The following TLL1 variants were observed in gnomAD, a reference collection of about 807,000 sequenced individuals.
The protein encoded by TLL1 is tolloid like 1.
TLL1 carries 49 observed loss-of-function variants against 128.2 expected under a neutral mutation model. That is an observed-to-expected ratio of 0.38 (90% CI 0.30 to 0.48). The LOEUF is 0.48. TLL1 is among the 20% of genes least tolerant of loss of function. The pLI is 0.96. For missense variants in TLL1, 1,123 were observed against 1,242.0 expected (o/e 0.90, Z 1.44); for synonymous variants, 454 against 418.8 (o/e 1.08, Z -1.03).
At chr4:165,878,316 T>C (rs1391573579) in intron 1 of TLL1, among the ~76,000 whole-genome samples, 1 of 152,234 alleles carries the variant, frequency 6.6e-6, no homozygotes, top group Non-Finnish European at 1.5e-5. Context: ...ATAGAGCTGC[T>C]TCTCCTAATC....
At chr4:166,084,298 G>A (rs1385333201) in intron 18 of TLL1, among the ~76,000 whole-genome samples, 1 of 152,030 alleles carries the variant, frequency 6.6e-6, no homozygotes, top group Admixed American at 6.6e-5. Flanking sequence ...GGTATCAGAT[G>A]TATGGTTCAT....
chr4:166,021,215 C>T (rs1364979013), intron 8 of TLL1, among the ~76,000 whole-genome samples: 1 of 147,364 alleles, frequency 6.8e-6, no homozygotes, highest in Non-Finnish European at 1.5e-5. Flanking sequence ...AACTATATTG[C>T]CAAGATGCAA....
rs531976986 is a variant in TLL1, at chr4:165,959,598, A to G, written c.170-29783A>G. Among the ~76,000 whole-genome samples, 10 of 152,246 alleles carry G rather than the reference A, an allele frequency of 6.6e-5. No individual in the cohort carries two copies. In the South Asian group the frequency reaches 2.1e-3, roughly 32 times the overall value. Reference sequence around the variant, plus strand: ...GATCAACCACATGCTTGGCCATAAAACAAGTCTCAATAAATTTGAAAAAGT... The same window carrying G: ...GATCAACCACATGCTTGGCCATAAAGCAAGTCTCAATAAATTTGAAAAAGT... On this transcript the variant is annotated intron_variant, in intron 1 of 20. Coordinates refer to ENST00000061240, the MANE Select transcript of TLL1 (RefSeq NM_012464.5).
intron 6 of TLL1, among the ~76,000 whole-genome samples, chr4:166,005,847 AAGG>A (rs1384482009): frequency 1.3e-5 from 2 of 151,920 alleles, no homozygotes; most frequent in Non-Finnish European, 2.9e-5. Flanking sequence ...TACCTGAAAC[AAGG>A]AGAAGTGTAT....
At chr4:166,039,787 T>C (rs80236009) in intron 10 of TLL1, among the ~76,000 whole-genome samples, 6,911 of 152,286 alleles carry the variant, frequency 0.045, 202 homozygotes, top group African/African-American at 0.064. Context: ...AAAAAACTAA[T>C]TGTGGGTGTT....
chr4:165,949,555 C>T (rs963453115), intron 1 of TLL1, among the ~76,000 whole-genome samples: 4 of 152,200 alleles, frequency 2.6e-5, no homozygotes, highest in East Asian at 3.9e-4. Context: ...AAGACATACC[C>T]GAGACTGAGC....
rs1400437010 is a variant in TLL1 at position 166,083,360 on chromosome 4, A to G, written c.2442+5330A>G. Among the ~76,000 whole-genome samples the G allele has an allele frequency of 2.4e-5, 3 of 123,902 alleles. 1 individual carries two copies. The highest frequency in any genetic ancestry group is 5.3e-4 in the East Asian group (2 of 3,804). The allele number at this position is 123,902 out of a possible 152,430, so 81.3% of individuals were successfully genotyped here. A position where few individuals can be genotyped will look rare whatever the true frequency, so the allele number is the denominator to read the frequency against. ...ATGACTAAATTTAGCTAATTAATAT[A>G]TGTATTATTCATGTTTTGATCATAT... On this transcript the variant is annotated intron_variant, in intron 18 of 20. Coordinates refer to ENST00000061240, the MANE Select transcript of TLL1 (RefSeq NM_012464.5).
intron 1 of TLL1, among the ~76,000 whole-genome samples, chr4:165,982,348 A>AG (rs1343336639): frequency 6.6e-6 from 1 of 152,006 alleles, no homozygotes; most frequent in Admixed American, 6.6e-5. Context: ...TGCTTGTTTT[A>AG]GAGTGAGTAA....
chr4:165,888,763 C>T (rs1213625254), intron 1 of TLL1, among the ~76,000 whole-genome samples: 1 of 152,122 alleles, frequency 6.6e-6, no homozygotes, highest in Non-Finnish European at 1.5e-5. Flanking sequence ...TGTGCAAGTA[C>T]CTGGGGTGGT....
intron 19 of TLL1, among the ~76,000 whole-genome samples, chr4:166,092,302 A>C (rs1208150652): frequency 6.6e-6 from 1 of 152,062 alleles, no homozygotes; most frequent in Admixed American, 6.6e-5. Context: ...TTTTCATTCT[A>C]GTATATTTTA....
intron 18 of TLL1, 73 bp from the exon 19 acceptor site, chr4:166,091,055 T>C: frequency 1.5e-6 from 2 of 1,307,524 alleles, no homozygotes; most frequent in Non-Finnish European, 2.1e-6. Flanking sequence ...GATATGTATT[T>C]CTGTCCCAAA....
chr4:165,882,257 A>G (rs1317274880), intron 1 of TLL1, among the ~76,000 whole-genome samples: 1 of 152,214 alleles, frequency 6.6e-6, no homozygotes, highest in African/African-American at 2.4e-5. Flanking sequence ...ACCATATGTA[A>G]TATTTACTAT....
intron 1 of TLL1, among the ~76,000 whole-genome samples, chr4:165,958,827 G>T (rs1197264240): frequency 6.8e-6 from 1 of 147,212 alleles, no homozygotes; most frequent in African/African-American, 2.5e-5. Flanking sequence ...TTTTCTTCTA[G>T]GGTTTTTATG....
At chr4:165,924,338 C>T (rs1180260855) in intron 1 of TLL1, among the ~76,000 whole-genome samples, 1 of 152,184 alleles carries the variant, frequency 6.6e-6, no homozygotes, top group African/African-American at 2.4e-5. Flanking sequence ...AAAAGTGCTA[C>T]TCTGGTGAAC....
intron 1 of TLL1, among the ~76,000 whole-genome samples, chr4:165,945,269 A>G (rs1187692906): frequency 6.6e-6 from 1 of 152,082 alleles, no homozygotes; most frequent in Non-Finnish European, 1.5e-5. Flanking sequence ...TAAGTAGGAG[A>G]GGAGGATCTA....
At chr4:166,035,113 C>T (rs932781754) in intron 9 of TLL1, among the ~76,000 whole-genome samples, 3 of 152,136 alleles carry the variant, frequency 2.0e-5, no homozygotes, top group African/African-American at 7.2e-5. Flanking sequence ...GGGACATACA[C>T]ACTCAAACCA....
chr4:165,957,734 T>G lies in TLL1; in HGVS notation c.170-31647T>G, dbSNP rs144471787. Among the ~76,000 whole-genome samples the G allele has an allele frequency of 2.2e-3, 340 of 151,470 alleles. 6 individuals carry two copies. The East Asian group carries it at 0.043, about 19-fold the overall frequency. Reference sequence around the variant, plus strand: ...TTTTTTTTAAATTATTATTATACTTTAAGTTTTAGGGTACATGTGCACAAT... The same window carrying G: ...TTTTTTTTAAATTATTATTATACTTGAAGTTTTAGGGTACATGTGCACAAT... On this transcript the variant is annotated intron_variant, in intron 1 of 20. Coordinates refer to ENST00000061240, the MANE Select transcript of TLL1 (RefSeq NM_012464.5).
At chr4:165,976,730 G>A (rs934083808) in intron 1 of TLL1, among the ~76,000 whole-genome samples, 3 of 152,162 alleles carry the variant, frequency 2.0e-5, no homozygotes. Flanking sequence ...ATATGACAGA[G>A]ACAGTATTTA....
chr4:165,977,534 A>G (rs1189101924), intron 1 of TLL1, among the ~76,000 whole-genome samples: 10 of 152,138 alleles, frequency 6.6e-5, no homozygotes, highest in Non-Finnish European at 1.5e-4. Context: ...ATAGTCAACT[A>G]TTTTTATGGT....
Sources: gnomAD v4.1 joint callset for allele counts (sites outside exome capture counted in the v4.1 genomes callset) on GRCh38, gnomAD v4.1.1 for gene constraint, MANE v1.5 for transcripts, NCBI Gene and HGNC (gene_info 2026-07-23, HGNC 2026-07-21) for gene names.